Variants in DNAJC18 observed in about 807,000 individuals in gnomAD.
The protein encoded by DNAJC18 is dnaJ homolog subfamily C member 18.
Under a neutral mutation model 48.6 loss-of-function variants are expected in DNAJC18, and 40 were observed. The observed-to-expected ratio is 0.82, with a 90% confidence interval of 0.64 to 1.07. The LOEUF is 1.07. Among genes scored for constraint, DNAJC18 ranks in the 50% least tolerant of loss-of-function variants. The pLI is 0.00. For missense variants in DNAJC18, 340 were observed against 427.7 expected (o/e 0.79, Z 1.81); for synonymous variants, 135 against 152.2 (o/e 0.89, Z 0.83).
chr5:139,437,053 G>T (rs1020061039), intron 2 of DNAJC18, among the ~76,000 whole-genome samples: 7 of 152,112 alleles, frequency 4.6e-5, no homozygotes, highest in African/African-American at 1.7e-4. Context: ...TATGACCTAA[G>T]ATATGGTCTA....
At chr5:139,436,492 G>A (rs1350306343) in intron 2 of DNAJC18, among the ~76,000 whole-genome samples, 1 of 147,092 alleles carries the variant, frequency 6.8e-6, no homozygotes, top group Non-Finnish European at 1.5e-5. Flanking sequence ...ATAGTATTTG[G>A]ATTGGTAGGG....
At chr5:139,422,626 A>G (rs1481202651) in intron 6 of DNAJC18, 82 bp downstream of exon 6, 24 of 1,034,168 alleles carry the variant, frequency 2.3e-5, no homozygotes, top group African/African-American at 5.0e-5. Flanking sequence ...GTGAAATGAA[A>G]TGTTAGTAAT....
intron 3 of DNAJC18, 146 bp from the exon 4 acceptor site, chr5:139,426,503 T>C: frequency 1.1e-6 from 1 of 903,844 alleles, no homozygotes; most frequent in Non-Finnish European, 1.6e-6. Context: ...CCTAGAAAGT[T>C]CTCCACAGTG....
chr5:139,420,727 A>G (rs1581414922), intron 6 of DNAJC18, among the ~76,000 whole-genome samples: 1 of 151,968 alleles, frequency 6.6e-6, no homozygotes, highest in East Asian at 1.9e-4. Flanking sequence ...CAAGAAACTC[A>G]GACAAAAGAT....
intron 7 of DNAJC18, among the ~76,000 whole-genome samples, chr5:139,417,155 A>G (rs1438194546): frequency 6.7e-6 from 1 of 148,408 alleles, no homozygotes; most frequent in Non-Finnish European, 1.5e-5. Context: ...GCATGACTGC[A>G]CTCCAGCCTG....
chr5:139,427,586 T>C (rs1759263344), intron 3 of DNAJC18, among the ~76,000 whole-genome samples: 6 of 152,152 alleles, frequency 3.9e-5, no homozygotes, highest in Admixed American at 3.9e-4. Context: ...CATTTGAAAA[T>C]AGGCCACAGA....
At chr5:139,422,362 A>G (rs944523326) in intron 6 of DNAJC18, among the ~76,000 whole-genome samples, 2 of 152,230 alleles carry the variant, frequency 1.3e-5, no homozygotes. Flanking sequence ...GGGTCCAGCA[A>G]TCCTATCAAC....
intron 7 of DNAJC18, among the ~76,000 whole-genome samples, chr5:139,416,630 G>A (rs1435993108): frequency 2.6e-5 from 4 of 152,230 alleles, no homozygotes; most frequent in Non-Finnish European, 2.9e-5. Flanking sequence ...AGGAGGAAGT[G>A]GATTCTATCC....
intron 7 of DNAJC18, among the ~76,000 whole-genome samples, chr5:139,418,101 G>A (rs916271923): frequency 2.0e-5 from 3 of 152,154 alleles, no homozygotes; most frequent in African/African-American, 7.2e-5. Context: ...CAAAGTCAAA[G>A]CCCTCCCAGG....
chr5:139,422,004 T>C (rs539912249), intron 6 of DNAJC18, among the ~76,000 whole-genome samples: 17 of 152,258 alleles, frequency 1.1e-4, no homozygotes, highest in African/African-American at 4.1e-4. Context: ...AAAGATAATC[T>C]AGTGATTCTC....
At position 139,414,159 on chromosome 5, in the gene DNAJC18, T is replaced by C. The variant is rs184813104; in HGVS notation, c.1066A>G (p.Arg356Gly). Residue 356 changes from arginine to glycine, a missense_variant, in exon 8 of 8, where the codon AGA (arginine) becomes GGA (glycine). Arg to Gly is a moderately radical substitution (Grantham distance 125). Coordinates refer to ENST00000302060, the MANE Select transcript of DNAJC18 (RefSeq NM_152686.4). ...EKLSKLIGLRRGG is the reference protein window; with the variant it reads ...EKLSKLIGLRGGG ...GGACCATTATCCTCTCAGCCACCTCTGCGTAGGCCAATGAGTTTGGAAAGT... is the reference window on the plus strand; with the variant it reads ...GGACCATTATCCTCTCAGCCACCTCCGCGTAGGCCAATGAGTTTGGAAAGT... 368 of 1,614,032 alleles carry C rather than the reference T, an allele frequency of 2.3e-4. 1 individual carries two copies. Among genetic ancestry groups the C allele is most frequent in the Non-Finnish European group, 4.2e-6 (5 of 1,179,978 alleles).
At position 139,413,087 on chromosome 5, in the gene DNAJC18, G is replaced by C; in HGVS notation, c.*1061C>G. ...ACTTCAGAGTTGTGAGGAGGTTTAA[G>C]TAAGAAAATATGTGTGAGAGCCCCT... On this transcript the variant is annotated 3_prime_UTR_variant, in exon 8 of 8. Coordinates refer to ENST00000302060, the MANE Select transcript of DNAJC18 (RefSeq NM_152686.4). 2.5e-6 allele frequency: 1 copy of C among 396,062 alleles called. No individual in the cohort carries two copies. The highest frequency in any genetic ancestry group is 4.4e-6 in the Non-Finnish European group (1 of 225,008). 24.5% of individuals were successfully genotyped at this position (396,062 alleles called of 1,614,324 possible). A position where few individuals can be genotyped will look rare whatever the true frequency, so the allele number is the denominator to read the frequency against.
chr5:139,438,689 C>G (rs572777189), intron 1 of DNAJC18, among the ~76,000 whole-genome samples: 1 of 152,320 alleles, frequency 6.6e-6, no homozygotes, highest in African/African-American at 2.4e-5. Flanking sequence ...CTAACTCCGA[C>G]GCATCCTTCT....
chr5:139,433,452 A>AG (rs2152084961), intron 2 of DNAJC18, among the ~76,000 whole-genome samples: 2 of 152,262 alleles, frequency 1.3e-5, no homozygotes, highest in East Asian at 3.9e-4. Flanking sequence ...CTCAAAAAAA[A>AG]AAAAAAACAA....
intron 7 of DNAJC18, 98 bp from the exon 8 acceptor site, chr5:139,414,370 C>A: frequency 6.9e-7 from 1 of 1,457,012 alleles, no homozygotes; most frequent in East Asian, 2.3e-5. Context: ...TCATTTCAAG[C>A]TTTTTCTTAC....
intron 2 of DNAJC18, among the ~76,000 whole-genome samples, chr5:139,434,426 G>A (rs1431214049): frequency 6.6e-6 from 1 of 151,910 alleles, no homozygotes; most frequent in Non-Finnish European, 1.5e-5. Flanking sequence ...TGGGCTCAAG[G>A]GATCCACCTA....
intron 7 of DNAJC18, among the ~76,000 whole-genome samples, chr5:139,419,747 G>C (rs1759122567): frequency 6.6e-6 from 1 of 152,198 alleles, no homozygotes; most frequent in Admixed American, 6.5e-5. Context: ...AAGAAAGGAA[G>C]GCAGCTGGTG....
intron 2 of DNAJC18, among the ~76,000 whole-genome samples, chr5:139,431,976 C>T (rs781765936): frequency 6.6e-6 from 1 of 152,084 alleles, no homozygotes; most frequent in Non-Finnish European, 1.5e-5. Flanking sequence ...ATATATATAT[C>T]TTCTTTATTC....
At chr5:139,423,880 TGG>T (rs1338744966) in intron 5 of DNAJC18, among the ~76,000 whole-genome samples, 1 of 152,132 alleles carries the variant, frequency 6.6e-6, no homozygotes, top group Non-Finnish European at 1.5e-5. Context: ...AACAACAACC[TGG>T]ATTGACACCC....
Sources: allele counts gnomAD v4.1 joint callset (sites outside exome capture counted in the v4.1 genomes callset), GRCh38; gene constraint gnomAD v4.1.1; transcripts MANE v1.5; gene names NCBI Gene and HGNC (gene_info 2026-07-23, HGNC 2026-07-21).